The following SLC12A8 variants were observed in gnomAD, a reference collection of about 807,000 sequenced individuals.
SLC12A8 encodes the protein cation-chloride cotransporter 9.
In SLC12A8, 69 loss-of-function variants were observed where a neutral mutation model predicts 75.6. That is an observed-to-expected ratio of 0.91 (90% CI 0.75 to 1.11). The LOEUF is 1.11. SLC12A8 is among the 50% of genes most tolerant of loss of function. The probability of loss-of-function intolerance (pLI) is 0.00; values close to 1 mark genes in which losing one functional copy is unlikely to be tolerated. For synonymous variants in SLC12A8, 365 were observed against 372.8 expected (o/e 0.98, Z 0.24); for missense variants, 877 against 896.7 (o/e 0.98, Z 0.28).
chr3:125,138,845 AACAC>A (rs3061221), intron 5 of SLC12A8, among the ~76,000 whole-genome samples: 9,236 of 137,678 alleles, frequency 0.067, 318 homozygotes, highest in East Asian at 0.16. Context: ...CCTTCTACAA[AACAC>A]ACACACACAC....
chr3:125,180,745 C>CA (rs1934640959), intron 4 of SLC12A8, among the ~76,000 whole-genome samples: 1 of 152,142 alleles, frequency 6.6e-6, no homozygotes, highest in African/African-American at 2.4e-5. Context: ...GAAGAGGAAA[C>CA]AGTAGCTAGC....
At chr3:125,212,215 T>C (rs1413714623) in intron 1 of SLC12A8, among the ~76,000 whole-genome samples, 2 of 148,890 alleles carry the variant, frequency 1.3e-5, no homozygotes, top group African/African-American at 5.0e-5. Flanking sequence ...GAGTGGGGGG[T>C]TGGGAGAGGA....
Position 125,110,275 on chromosome 3 carries a change from T to A in SLC12A8, c.973A>T (p.Met325Leu), listed in dbSNP as rs751893323. Reference sequence around the variant, plus strand: ...CGGGGAGCTCCATAAAGTCCTCCCATGCAGGAAGCCAGGGACGAGATGTAT... The same window carrying A: ...CGGGGAGCTCCATAAAGTCCTCCCAAGCAGGAAGCCAGGGACGAGATGTAT... ...GLYISSLASC[M>L]GGLYGAPRIL... The change falls in exon 9 of 14, where the codon ATG (methionine) becomes TTG (leucine). Residue 325 changes from methionine (M) to leucine (L), a missense_variant. Transcript: ENST00000469902. 8 of 1,614,006 alleles carry A rather than the reference T, an allele frequency of 5.0e-6. No homozygotes were observed. Among genetic ancestry groups the A allele is most frequent in the Non-Finnish European group, 5.9e-6 (7 of 1,179,934 alleles).
intron 5 of SLC12A8, among the ~76,000 whole-genome samples, chr3:125,175,606 C>T (rs1009422593): frequency 2.0e-5 from 3 of 152,202 alleles, no homozygotes; most frequent in Non-Finnish European, 2.9e-5. Flanking sequence ...TAATTGAGCT[C>T]TTCCAGCAAC....
intron 8 of SLC12A8, among the ~76,000 whole-genome samples, chr3:125,115,761 G>A (rs967728458): frequency 7.9e-5 from 12 of 151,928 alleles, no homozygotes; most frequent in African/African-American, 1.7e-4. Context: ...GCTTGTGAAC[G>A]AGCGCCAAGG....
chr3:125,141,234 G>C (rs1933627654), intron 5 of SLC12A8, among the ~76,000 whole-genome samples: 1 of 152,206 alleles, frequency 6.6e-6, no homozygotes, highest in Admixed American at 6.5e-5. Flanking sequence ...CAGGCAGAGG[G>C]AAAGTCCTTG....
At chr3:125,101,127 T>C (rs1328810381) in intron 10 of SLC12A8, among the ~76,000 whole-genome samples, 1 of 152,070 alleles carries the variant, frequency 6.6e-6, no homozygotes, top group African/African-American at 2.4e-5. Context: ...ACACACTGTG[T>C]AGTGGTTAAG....
chr3:125,180,960 T>A (rs990679969), intron 4 of SLC12A8, among the ~76,000 whole-genome samples: 3 of 152,126 alleles, frequency 2.0e-5, no homozygotes, highest in Non-Finnish European at 4.4e-5. Context: ...GGAAAGTAAA[T>A]GTATCATAGA....
At chr3:125,185,920 C>G (rs147626627) in intron 4 of SLC12A8, among the ~76,000 whole-genome samples, 19 of 152,300 alleles carry the variant, frequency 1.2e-4, no homozygotes, top group African/African-American at 4.6e-4. Context: ...CGTCTCAGGC[C>G]GTGGCTGCCA....
chr3:125,184,038 T>C (rs1934721805), intron 4 of SLC12A8, among the ~76,000 whole-genome samples: 1 of 152,080 alleles, frequency 6.6e-6, no homozygotes, highest in South Asian at 2.1e-4. Context: ...AGTGGCGCAT[T>C]CTCAGCTAAC....
rs548886496 is a variant in SLC12A8 at position 125,168,930 on chromosome 3, C to T, written c.622+8813G>A. Among the ~76,000 whole-genome samples, 4 of 152,320 alleles carry T rather than the reference C, an allele frequency of 2.6e-5. No individual in the cohort carries two copies. In the East Asian group the frequency reaches 7.7e-4, roughly 29 times the overall value. ...TGCCTGGCCTGGCCCAACTGATCCA[C>T]CTCCCACAGATGGCAGAGGGCCATG... On this transcript the variant is annotated intron_variant, in intron 5 of 13. Coordinates refer to ENST00000469902, the MANE Select transcript of SLC12A8 (RefSeq NM_024628.6).
chr3:125,083,789 T>A lies in SLC12A8; in HGVS notation c.*101A>T. ...TCCAAAGTGACAGCGGGAGGATGGG[T>A]CTTGAGTTTCTCAGGTTGGAGAAGC... is the stretch of plus-strand genomic sequence containing the variant. On this transcript the variant is annotated 3_prime_UTR_variant, in exon 14 of 14. Transcript: ENST00000469902. The A allele has an allele frequency of 8.8e-7, 1 of 1,139,298 alleles. No individual in the cohort carries two copies. The allele number at this position is 1,139,298 out of a possible 1,614,324, so 70.6% of individuals were successfully genotyped here. A position where few individuals can be genotyped will look rare whatever the true frequency, so the allele number is the denominator to read the frequency against.
At chr3:125,148,528 T>TAA (rs768847658) in intron 5 of SLC12A8, among the ~76,000 whole-genome samples, 3 of 151,568 alleles carry the variant, frequency 2.0e-5, no homozygotes, top group Non-Finnish European at 4.4e-5. Flanking sequence ...CCCACGTGGG[T>TAA]CCTTTGTATA....
chr3:125,156,029 A>G (rs907982070), intron 5 of SLC12A8, among the ~76,000 whole-genome samples: 5 of 152,064 alleles, frequency 3.3e-5, no homozygotes, highest in Admixed American at 3.3e-4. Flanking sequence ...TCACATGCAA[A>G]TGGTGGCCAC....
At chr3:125,107,452 A>G (rs758044178) in intron 10 of SLC12A8, 29 bp downstream of exon 10, 2 of 1,565,634 alleles carry the variant, frequency 1.3e-6, no homozygotes, top group Admixed American at 3.6e-5. Context: ...CCCAAATAAG[A>G]GGCCCCAGTG....
chr3:125,170,013 G>GAA (rs5852444), intron 5 of SLC12A8, among the ~76,000 whole-genome samples: 2 of 151,966 alleles, frequency 1.3e-5, no homozygotes, highest in Admixed American at 6.6e-5. Flanking sequence ...ACAATTCAAA[G>GAA]AAAAAAATAC....
chr3:125,144,056 C>G (rs1177286640), intron 5 of SLC12A8, among the ~76,000 whole-genome samples: 1 of 152,156 alleles, frequency 6.6e-6, no homozygotes, highest in African/African-American at 2.4e-5. Flanking sequence ...GGTCAGTAAG[C>G]TGAGATGAGA....
intron 5 of SLC12A8, among the ~76,000 whole-genome samples, chr3:125,146,866 C>A (rs1538355): frequency 2.6e-5 from 4 of 152,128 alleles, no homozygotes; most frequent in African/African-American, 4.8e-5. Flanking sequence ...ACACCTCTTC[C>A]CACCACAGGG....
intron 5 of SLC12A8, among the ~76,000 whole-genome samples, chr3:125,153,994 C>T (rs147368372): frequency 1.4e-3 from 208 of 152,298 alleles, no homozygotes; most frequent in African/African-American, 4.9e-3. Flanking sequence ...GTGACCCACC[C>T]ACCTTGGCCT....
Sources: gnomAD v4.1 joint callset for allele counts (sites outside exome capture counted in the v4.1 genomes callset) on GRCh38, gnomAD v4.1.1 for gene constraint, MANE v1.5 for transcripts, NCBI Gene and HGNC (gene_info 2026-07-23, HGNC 2026-07-21) for gene names.